The following ACSM1 variants were observed in gnomAD, a reference collection of about 807,000 sequenced individuals.
ACSM1 encodes the protein acyl-coenzyme A synthetase ACSM1, mitochondrial.
ACSM1 carries 79 observed loss-of-function variants against 75.8 expected under a neutral mutation model. The observed-to-expected ratio is 1.04, with a 90% CI of 0.87 to 1.26. The LOEUF (loss-of-function observed/expected upper bound fraction) is 1.26. Among genes scored for constraint, ACSM1 ranks in the 50% most tolerant of loss-of-function variants. The pLI is 0.00. For synonymous variants in ACSM1, 279 were observed against 265.8 expected (o/e 1.05, Z -0.48); for missense variants, 676 against 720.1 (o/e 0.94, Z 0.70).
intron 1 of ACSM1, 122 bp downstream of exon 1, chr16:20,697,513 TC>T (rs1281685377): frequency 2.0e-5 from 3 of 151,170 alleles, no homozygotes; most frequent in Non-Finnish European, 4.4e-5. Context: ...TTGCCCAAGG[TC>T]ACTCAACTTA....
At chr16:20,662,267 G>C (rs1256298712) in intron 6 of ACSM1, among the ~76,000 whole-genome samples, 1 of 152,156 alleles carries the variant, frequency 6.6e-6, no homozygotes, top group Admixed American at 6.6e-5. Flanking sequence ...CAGGACATTA[G>C]CAAATAGATA....
chr16:20,682,007 A>G, intron 4 of ACSM1: 1 of 406,010 alleles, frequency 2.5e-6, no homozygotes, highest in Non-Finnish European at 4.6e-6. Context: ...GTCTCAACTG[A>G]ATAACTGTCT....
At chr16:20,687,959 C>A (rs192987340) in intron 2 of ACSM1, among the ~76,000 whole-genome samples, 23 of 152,020 alleles carry the variant, frequency 1.5e-4, no homozygotes, top group African/African-American at 5.1e-4. Context: ...GTTGCATGCA[C>A]CTGTAATCCC....
At chr16:20,625,065 A>G (rs1444352743) in intron 12 of ACSM1, among the ~76,000 whole-genome samples, 2 of 152,176 alleles carry the variant, frequency 1.3e-5, no homozygotes, top group Non-Finnish European at 2.9e-5. Context: ...TTCGGGAGCC[A>G]CATTGCTGAG....
intron 7 of ACSM1, among the ~76,000 whole-genome samples, chr16:20,644,845 T>C (rs930294174): frequency 9.9e-5 from 15 of 152,250 alleles, no homozygotes; most frequent in African/African-American, 3.4e-4. Flanking sequence ...TAACATGTAT[T>C]ATCCTAACTT....
intron 10 of ACSM1, among the ~76,000 whole-genome samples, chr16:20,628,293 C>A (rs2017117885): frequency 6.6e-6 from 1 of 152,054 alleles, no homozygotes; most frequent in Non-Finnish European, 1.5e-5. Flanking sequence ...TCAGATGTCC[C>A]ATTTCACTTG....
At position 20,634,394 on chromosome 16, in the gene ACSM1, A is replaced by C. The variant is rs78002859; in HGVS notation, c.1299+2345T>G. Among the ~76,000 whole-genome samples, 19 of 152,326 alleles carry C rather than the reference A, an allele frequency of 1.2e-4. No individual in the cohort carries two copies. In the East Asian group the frequency reaches 3.7e-3, roughly 29 times the overall value. On this transcript the variant is annotated intron_variant, in intron 10 of 13. Coordinates refer to ENST00000520010, the MANE Select transcript of ACSM1 (RefSeq NM_001318890.3). ...GAACTTGAACAGATACTTAAACAAC[A>C]GTGGTCATAGAAGCAACATTCTCAA...
rs571111429 is a variant in ACSM1 at position 20,626,054 on chromosome 16, C to T, written c.1428-532G>A. Among the ~76,000 whole-genome samples the T allele has an allele frequency of 9.9e-5, 15 of 152,186 alleles. No homozygotes were observed. In the East Asian group the frequency reaches 2.9e-3, roughly 29 times the overall value. On this transcript the variant is annotated intron_variant, in intron 11 of 13. Transcript: ENST00000520010. ...AAGAACATAAAATCTACTCTTTGTG[C>T]AAATTTCCAGTACATCATGTTTTAG... is the stretch of plus-strand genomic sequence containing the variant.
At chr16:20,692,163 ACT>A (rs1228118451) in intron 1 of ACSM1, among the ~76,000 whole-genome samples, 1 of 152,044 alleles carries the variant, frequency 6.6e-6, no homozygotes, top group African/African-American at 2.4e-5. Flanking sequence ...AAAGAGTTAA[ACT>A]CTGTAAAATA....
chr16:20,626,016 T>G (rs964629999), intron 11 of ACSM1, among the ~76,000 whole-genome samples: 2 of 152,258 alleles, frequency 1.3e-5, no homozygotes, highest in Admixed American at 1.3e-4. Context: ...TTGCCTTTTT[T>G]TTCTTTTGTG....
chr16:20,661,719 GA>G, intron 7 of ACSM1, 74 bp downstream of exon 7: 1 of 1,135,032 alleles, frequency 8.8e-7, no homozygotes, highest in Non-Finnish European at 1.3e-6. Flanking sequence ...AGAACCAGAA[GA>G]AAAACAGACC....
intron 7 of ACSM1, among the ~76,000 whole-genome samples, chr16:20,641,541 G>A (rs374009820): frequency 1.3e-5 from 2 of 152,204 alleles, no homozygotes; most frequent in East Asian, 3.8e-4. Context: ...TACCATCACA[G>A]GTGTTCATCA....
chr16:20,664,745 G>A (rs1238848408), intron 6 of ACSM1, among the ~76,000 whole-genome samples: 1 of 152,054 alleles, frequency 6.6e-6, no homozygotes, highest in Non-Finnish European at 1.5e-5. Flanking sequence ...ATTGACCACA[G>A]GTTCAGTCAT....
chr16:20,672,397 C>T (rs1414200445), intron 4 of ACSM1, among the ~76,000 whole-genome samples: 5 of 122,772 alleles, frequency 4.1e-5, no homozygotes, highest in Non-Finnish European at 7.9e-5. Context: ...TGCAGTGAGC[C>T]GAGATCAAAC....
At position 20,670,501 on chromosome 16, in the gene ACSM1, A is replaced by T. The variant is rs141166556; in HGVS notation, c.753-515T>A. Among the ~76,000 whole-genome samples the T allele has an allele frequency of 5.0e-3, 763 of 152,312 alleles. 11 individuals are homozygous for T. The highest frequency in any genetic ancestry group is 0.018 in the African/African-American group (738 of 41,570). ...CATCCTGCATCCTGCAGCCATGATG[A>T]TCTTATCAAAATACAAATTTGATCA... On this transcript the variant is annotated intron_variant, in intron 5 of 13. Coordinates refer to ENST00000520010, the MANE Select transcript of ACSM1 (RefSeq NM_001318890.3).
At chr16:20,633,134 T>G (rs1160268955) in intron 10 of ACSM1, among the ~76,000 whole-genome samples, 1 of 152,182 alleles carries the variant, frequency 6.6e-6, no homozygotes, top group African/African-American at 2.4e-5. Flanking sequence ...ACCACTTCTA[T>G]TCTACATAGT....
chr16:20,655,975 G>T (rs1005946066), intron 7 of ACSM1, among the ~76,000 whole-genome samples: 6 of 152,046 alleles, frequency 3.9e-5, no homozygotes, highest in Admixed American at 6.6e-5. Flanking sequence ...TATTTTTAAT[G>T]CAAGAAGTTT....
intron 8 of ACSM1, among the ~76,000 whole-genome samples, chr16:20,639,091 A>G (rs1404142929): frequency 6.6e-6 from 1 of 152,314 alleles, no homozygotes; most frequent in East Asian, 1.9e-4. Context: ...GATAGCAGTC[A>G]TCCTTTATGT....
chr16:20,636,056 A>G (rs982188398), intron 10 of ACSM1, among the ~76,000 whole-genome samples: 8 of 152,178 alleles, frequency 5.3e-5, no homozygotes, highest in Non-Finnish European at 8.8e-5. Flanking sequence ...TTGAAACCAC[A>G]GTGTGAGGAT....
Sources: allele counts gnomAD v4.1 joint callset (sites outside exome capture counted in the v4.1 genomes callset), GRCh38; gene constraint gnomAD v4.1.1; transcripts MANE v1.5; gene names NCBI Gene and HGNC (gene_info 2026-07-23, HGNC 2026-07-21).